Variants in PNPT1 observed in about 807,000 individuals in gnomAD.
PNPT1 encodes the protein polyribonucleotide nucleotidyltransferase 1.
A neutral mutation model predicts 119.5 loss-of-function variants in PNPT1; 53 were observed. The observed-to-expected ratio is 0.44, with a 90% CI of 0.36 to 0.56. The LOEUF (loss-of-function observed/expected upper bound fraction) is 0.56. Ranked by LOEUF, PNPT1 falls within the 20% of genes least tolerant of loss-of-function variation. The pLI, the probability that PNPT1 is intolerant of heterozygous loss-of-function variation, is 0.00. For missense variants in PNPT1, 948 were observed against 938.5 expected (o/e 1.01, Z -0.13); for synonymous variants, 357 against 322.1 (o/e 1.11, Z -1.16).
At chr2:55,657,014 T>C (rs376941434) in intron 15 of PNPT1, among the ~76,000 whole-genome samples, 4 of 152,192 alleles carry the variant, frequency 2.6e-5, no homozygotes, top group Non-Finnish European at 5.9e-5. Flanking sequence ...CATTTGACAA[T>C]AGGAAGACTT....
chr2:55,666,911 G>A, intron 13 of PNPT1, 80 bp downstream of exon 13: 1 of 855,370 alleles, frequency 1.2e-6, no homozygotes, highest in Non-Finnish European at 1.8e-6. Context: ...AAAACCTACA[G>A]CATCTACTAA....
intron 12 of PNPT1, 55 bp from the exon 13 acceptor site, chr2:55,667,148 CAT>C (rs765115258): frequency 9.0e-5 from 122 of 1,355,028 alleles, no homozygotes; most frequent in East Asian, 4.2e-4. Context: ...AGAAAAATCA[CAT>C]GTCTTTATCT....
At chr2:55,644,456 T>C (rs1695926375) in intron 23 of PNPT1, among the ~76,000 whole-genome samples, 181 bp downstream of exon 23, 1 of 152,224 alleles carries the variant, frequency 6.6e-6, no homozygotes. Context: ...AATGACCATT[T>C]GCTAATTTAT....
chr2:55,660,080 G>C (rs1696515207), intron 15 of PNPT1, 77 bp downstream of exon 15: 4 of 1,402,190 alleles, frequency 2.9e-6, no homozygotes, highest in Non-Finnish European at 3.8e-6. Flanking sequence ...CTCCAGCCTG[G>C]ACAACAGGGT....
At chr2:55,660,104 AC>A (rs1306907632) in intron 15 of PNPT1, 52 bp downstream of exon 15, 12 of 1,496,818 alleles carry the variant, frequency 8.0e-6, no homozygotes, top group Non-Finnish European at 7.2e-6. Flanking sequence ...ACCTCGTCTC[AC>A]AAAAATTTAT....
chr2:55,637,999 CAAAAA>C (rs890316221), intron 26 of PNPT1, among the ~76,000 whole-genome samples: 1 of 88,052 alleles, frequency 1.1e-5, no homozygotes. Flanking sequence ...GAATCCGTCT[CAAAAA>C]AAAAAAAAAA....
At chr2:55,653,937 A>G (rs1037529278) in intron 18 of PNPT1, among the ~76,000 whole-genome samples, 2 of 152,078 alleles carry the variant, frequency 1.3e-5, no homozygotes, top group Non-Finnish European at 2.9e-5. Context: ...AGCAGCATTC[A>G]TGACAGTTTG....
chr2:55,674,948 T>C lies in PNPT1; in HGVS notation c.680-1869A>G, dbSNP rs992531644. Among the ~76,000 whole-genome samples the C allele has an allele frequency of 2.0e-5, 3 of 152,214 alleles. No homozygotes were observed. The East Asian group carries it at 5.8e-4, about 29-fold the overall frequency. ...TCATTTAATGGGTATAAATTATATCTCAATAAATTGCTTTTAAAAATAAAA... is the reference window on the plus strand; with the variant it reads ...TCATTTAATGGGTATAAATTATATCCCAATAAATTGCTTTTAAAAATAAAA... On this transcript the variant is annotated intron_variant, in intron 8 of 27. Coordinates refer to ENST00000447944, the MANE Select transcript of PNPT1 (RefSeq NM_033109.5).
Position 55,646,291 on chromosome 2 carries a change from T to C in PNPT1, c.1706A>G (p.Lys569Arg), listed in dbSNP as rs757794372. The C allele has an allele frequency of 4.3e-6, 7 of 1,613,150 alleles. No individual in the cohort carries two copies. Among genetic ancestry groups the C allele is most frequent in the Non-Finnish European group, 5.9e-6 (7 of 1,179,420 alleles). Residue 569 changes from lysine (K) to arginine (R), a missense_variant, in exon 21 of 28, where the codon AAA becomes AGA. Transcript: ENST00000447944. ...TTGTTGAATAGCCTCCATCACAATT[T>C]TTATTGGTATTCCAGGTAATTTAAT... ...ADIKLPGIPIKIVMEAIQQAS... is the reference protein window; with the variant it reads ...ADIKLPGIPIRIVMEAIQQAS...
chr2:55,683,756 G>C, intron 5 of PNPT1, 29 bp downstream of exon 5: 1 of 1,581,440 alleles, frequency 6.3e-7, no homozygotes, highest in Non-Finnish European at 8.7e-7. Context: ...GATTGATCTG[G>C]CAACTAAAAA....
intron 5 of PNPT1, among the ~76,000 whole-genome samples, chr2:55,681,985 T>C (rs1296621596): frequency 1.3e-5 from 2 of 149,648 alleles, no homozygotes; most frequent in Non-Finnish European, 3.0e-5. Flanking sequence ...ACTAAAAAAA[T>C]ACAAAAAATT....
chr2:55,640,673 T>C lies in PNPT1; in HGVS notation c.2102A>G (p.Asn701Ser). The stretch of plus-strand genomic sequence containing the variant: ...GTTATGAAGCAGTACCGCAGTCATA[T>C]TTGGATATAATTTTACCATTACACC... ...DTGVMVKLYP[N>S]MTAVLLHNTQ... The change falls in exon 26 of 28, where the codon AAT (asparagine) becomes AGT (serine). Residue 701 changes from asparagine to serine, a missense_variant. Asn to Ser is a conservative substitution (Grantham distance 46). Coordinates refer to ENST00000447944, the MANE Select transcript of PNPT1 (RefSeq NM_033109.5). 6.3e-7 allele frequency: 1 copy of C among 1,592,694 alleles called. No homozygotes were observed. Among genetic ancestry groups the C allele is most frequent in the South Asian group, 1.1e-5 (1 of 90,574 alleles).
At chr2:55,650,111 A>G (rs140580236) in intron 18 of PNPT1, among the ~76,000 whole-genome samples, 1 of 149,988 alleles carries the variant, frequency 6.7e-6, no homozygotes, top group Non-Finnish European at 1.5e-5. Context: ...ATTCTTACTT[A>G]AAAAAAATCC....
chr2:55,642,745 A>G (rs1695874004), intron 25 of PNPT1, among the ~76,000 whole-genome samples: 1 of 152,152 alleles, frequency 6.6e-6, no homozygotes, highest in South Asian at 2.1e-4. Flanking sequence ...TTATATGGCA[A>G]TTGGCATGTA....
At position 55,673,016 on chromosome 2, in the gene PNPT1, C is replaced by G; in HGVS notation, c.743G>C (p.Gly248Ala). ...QQDFCHAIKV[G>A]VKYTQQIIQG... ...AATTATTTGTTGGGTATATTTCACT[C>G]CCACTTTGATAGCATGGCAAAAGTC... Residue 248 changes from glycine to alanine, a missense_variant, in exon 9 of 28, where the codon GGA becomes GCA. Transcript: ENST00000447944. 3.1e-6 allele frequency: 5 copies of G among 1,612,952 alleles called. No individual in the cohort carries two copies. Among genetic ancestry groups the G allele is most frequent in the Non-Finnish European group, 4.2e-6 (5 of 1,179,830 alleles).
At chr2:55,656,678 TAAA>T (rs1387506671) in intron 15 of PNPT1, among the ~76,000 whole-genome samples, 1 of 152,204 alleles carries the variant, frequency 6.6e-6, no homozygotes, top group Admixed American at 6.5e-5. Flanking sequence ...TTGTAATAAG[TAAA>T]AATATGTACA....
chr2:55,650,489 G>A (rs1047962359), intron 18 of PNPT1, among the ~76,000 whole-genome samples: 2 of 152,092 alleles, frequency 1.3e-5, no homozygotes, highest in African/African-American at 2.4e-5. Context: ...ATCTCAGCTC[G>A]CTACAACCTT....
intron 1 of PNPT1, among the ~76,000 whole-genome samples, chr2:55,691,630 T>C (rs963343208): frequency 6.6e-6 from 1 of 152,118 alleles, no homozygotes; most frequent in Middle Eastern, 3.2e-3. Flanking sequence ...TTTCAGTATC[T>C]AATGCCTATC....
chr2:55,693,449 G>C (rs1697686284), intron 1 of PNPT1, among the ~76,000 whole-genome samples: 1 of 152,268 alleles, frequency 6.6e-6, no homozygotes, highest in East Asian at 1.9e-4. Flanking sequence ...AAAGAAGCCC[G>C]GCACACACCA....
Sources: allele counts gnomAD v4.1 joint callset (sites outside exome capture counted in the v4.1 genomes callset), GRCh38; gene constraint gnomAD v4.1.1; transcripts MANE v1.5; gene names NCBI Gene and HGNC (gene_info 2026-07-23, HGNC 2026-07-21).